Variants in CAB39L observed in about 807,000 individuals in gnomAD.
The protein encoded by CAB39L is calcium-binding protein 39-like.
CAB39L carries 23 observed loss-of-function variants against 39.1 expected under a neutral mutation model. The ratio of observed to expected loss-of-function variants is 0.59; its 90% CI spans 0.42 to 0.83. The LOEUF is 0.83. CAB39L is among the 40% of genes least tolerant of loss of function. The pLI is 0.00. For missense variants in CAB39L, 366 were observed against 391.9 expected (o/e 0.93, Z 0.56); for synonymous variants, 126 against 137.2 (o/e 0.92, Z 0.57).
chr13:49,415,159 T>C (rs892535978), intron 3 of CAB39L, among the ~76,000 whole-genome samples: 3 of 151,870 alleles, frequency 2.0e-5, no homozygotes, highest in African/African-American at 7.3e-5. Context: ...ATCATGCCAC[T>C]GCACTCCAGT....
chr13:49,438,419 ATGT>A (rs1180691449), intron 1 of CAB39L, among the ~76,000 whole-genome samples: 1 of 152,142 alleles, frequency 6.6e-6, no homozygotes, highest in Non-Finnish European at 1.5e-5. Context: ...ACCTGACCTT[ATGT>A]TGAAGATTTT....
chr13:49,335,855 A>T lies in CAB39L; in HGVS notation c.691-3765T>A, dbSNP rs1022618516. ...AATTAAGCAGTGCAGGAAAATTTAG[A>T]ATATGATTAATAAAAGGCAGCAGGT... On this transcript the variant is annotated intron_variant, in intron 9 of 10. Coordinates refer to ENST00000409308, the MANE Select transcript of CAB39L (RefSeq NM_001079670.3). Among the ~76,000 whole-genome samples, 30 of 152,224 alleles carry T rather than the reference A, an allele frequency of 2.0e-4. 1 individual carries two copies. The highest frequency in any genetic ancestry group is 4.0e-4 in the Non-Finnish European group (27 of 68,030).
intron 9 of CAB39L, among the ~76,000 whole-genome samples, chr13:49,333,826 C>T (rs1954779098): frequency 6.6e-6 from 1 of 151,884 alleles, no homozygotes; most frequent in Admixed American, 6.6e-5. Context: ...TCCGCCTCGG[C>T]CTCTCAAAAT....
At chr13:49,345,259 TAAC>T (rs1231092229) in intron 7 of CAB39L, among the ~76,000 whole-genome samples, 2 of 152,208 alleles carry the variant, frequency 1.3e-5, no homozygotes, top group Non-Finnish European at 2.9e-5. Flanking sequence ...AAAAGGCAGA[TAAC>T]AACCATAATA....
At chr13:49,321,147 C>T (rs1954326161) in intron 10 of CAB39L, among the ~76,000 whole-genome samples, 2 of 152,298 alleles carry the variant, frequency 1.3e-5, no homozygotes, top group South Asian at 2.1e-4. Flanking sequence ...GTAAAAAAAT[C>T]ACTGACATAA....
Position 49,377,014 on chromosome 13 carries a change from C to G in CAB39L, c.229G>C (p.Gly77Arg). Reference protein sequence around the residue: ...AQLAQELYSSGLLVTLIADLQ... With the variant: ...AQLAQELYSSRLLVTLIADLQ... ...TCAGCTATCAGTGTCACTAGCAGGC[C>G]ACTGCTGTAGAGTTCTTGTGCTAGC... The change falls in exon 5 of 11, where the codon GGC becomes CGC. Residue 77 changes from glycine to arginine, a missense_variant. By Grantham distance (125) the Gly-to-Arg change is moderately radical. Coordinates refer to ENST00000409308, the MANE Select transcript of CAB39L (RefSeq NM_001079670.3). 1.2e-6 allele frequency: 2 copies of G among 1,613,510 alleles called. No individual in the cohort carries two copies. Among genetic ancestry groups the G allele is most frequent in the Non-Finnish European group, 1.7e-6 (2 of 1,179,550 alleles).
chr13:49,350,925 C>A lies in CAB39L; in HGVS notation c.396-13G>T. 1.9e-6 allele frequency: 3 copies of A among 1,554,172 alleles called. No individual in the cohort carries two copies. The highest frequency in any genetic ancestry group is 2.6e-6 in the Non-Finnish European group (3 of 1,150,880). The stretch of plus-strand genomic sequence containing the variant: ...TGGGGCTTCATATCTAAAGCGTAAA[C>A]AAGAGAGAAATAGAGAACTCTGTTA... On this transcript the variant is annotated splice_polypyrimidine_tract_variant and intron_variant, in intron 6 of 10. Transcript: ENST00000409308.
At chr13:49,422,392 G>A (rs1713320538) in intron 3 of CAB39L, among the ~76,000 whole-genome samples, 1 of 152,092 alleles carries the variant, frequency 6.6e-6, no homozygotes, top group African/African-American at 2.4e-5. Context: ...GGCCAACATG[G>A]CAAAACCTTA....
intron 7 of CAB39L, 141 bp downstream of exon 7, chr13:49,350,603 T>C (rs1174589931): frequency 3.5e-6 from 2 of 578,214 alleles, no homozygotes; most frequent in East Asian, 2.8e-5. Flanking sequence ...TATTTACAGA[T>C]TCCTCTTATG....
chr13:49,315,580 T>A (rs1954132036), intron 10 of CAB39L, among the ~76,000 whole-genome samples: 1 of 152,082 alleles, frequency 6.6e-6, no homozygotes, highest in South Asian at 2.1e-4. Context: ...TAGCTATAAA[T>A]GCCTACATTA....
chr13:49,416,643 G>T (rs1395004376), intron 3 of CAB39L, among the ~76,000 whole-genome samples: 3 of 152,134 alleles, frequency 2.0e-5, no homozygotes, highest in Non-Finnish European at 4.4e-5. Context: ...TACTGCCTCT[G>T]CAACTTACAA....
intron 4 of CAB39L, among the ~76,000 whole-genome samples, chr13:49,377,812 A>G (rs1427238178): frequency 2.7e-4 from 23 of 86,230 alleles, no homozygotes; most frequent in South Asian, 7.4e-4. Flanking sequence ...CCCGGCCGCC[A>G]CCCCGTCTGG....
At chr13:49,442,817 A>C (rs1445694797) in intron 1 of CAB39L, among the ~76,000 whole-genome samples, 1 of 147,682 alleles carries the variant, frequency 6.8e-6, no homozygotes, top group African/African-American at 2.6e-5. Context: ...AAAAAAAAAA[A>C]AACATCAATT....
intron 8 of CAB39L, 105 bp downstream of exon 8, chr13:49,344,074 T>C: frequency 4.1e-6 from 3 of 735,762 alleles, no homozygotes; most frequent in Non-Finnish European, 7.2e-6. Flanking sequence ...TATGGTTGAA[T>C]GCGACTGATT....
intron 5 of CAB39L, among the ~76,000 whole-genome samples, chr13:49,366,769 A>C (rs931591060): frequency 6.6e-6 from 1 of 152,092 alleles, no homozygotes; most frequent in South Asian, 2.1e-4. Context: ...TAATCCCAGC[A>C]CTTTAGGAAG....
intron 4 of CAB39L, 63 bp downstream of exon 4, chr13:49,382,737 A>T: frequency 1.0e-6 from 1 of 972,702 alleles, no homozygotes; most frequent in Non-Finnish European, 1.6e-6. Flanking sequence ...TTAAGCTTTT[A>T]CATTGGTTTT....
At chr13:49,325,810 A>G (rs1361811836) in intron 10 of CAB39L, among the ~76,000 whole-genome samples, 1 of 151,918 alleles carries the variant, frequency 6.6e-6, no homozygotes, top group Non-Finnish European at 1.5e-5. Context: ...ACATAAATAA[A>G]TAATATTAAA....
chr13:49,403,793 A>G (rs112372349), intron 3 of CAB39L, among the ~76,000 whole-genome samples: 33 of 152,140 alleles, frequency 2.2e-4, no homozygotes, highest in African/African-American at 7.5e-4. Flanking sequence ...AAAAAACCCT[A>G]TAAACTCTGG....
At chr13:49,317,729 G>A (rs1222130844) in intron 10 of CAB39L, among the ~76,000 whole-genome samples, 1 of 151,984 alleles carries the variant, frequency 6.6e-6, no homozygotes, top group Non-Finnish European at 1.5e-5. Flanking sequence ...TCTTAGATAT[G>A]ACACCAAAAA....
Sources: allele counts gnomAD v4.1 joint callset (sites outside exome capture counted in the v4.1 genomes callset), GRCh38; gene constraint gnomAD v4.1.1; transcripts MANE v1.5; gene names NCBI Gene and HGNC (gene_info 2026-07-23, HGNC 2026-07-21).